YTHDF1: variants seen among roughly 807,000 people sequenced by gnomAD.
YTHDF1 encodes the protein YTH N6-methyladenosine RNA binding protein F1.
YTHDF1 carries 16 observed loss-of-function variants against 49.1 expected under a neutral mutation model. The ratio of observed to expected loss-of-function variants is 0.33; its 90% CI spans 0.22 to 0.49. The LOEUF (loss-of-function observed/expected upper bound fraction) is 0.49. YTHDF1 is among the 20% of genes least tolerant of loss of function. The pLI, the probability that YTHDF1 is intolerant of heterozygous loss-of-function variation, is 0.99. For missense variants in YTHDF1, 621 were observed against 744.3 expected, an observed-to-expected ratio of 0.83 and a Z score of 1.93; for synonymous variants, 313 against 290.1, an observed-to-expected ratio of 1.08 and a Z score of -0.80.
chr20:63,214,091 A>C, intron 2 of YTHDF1, 148 bp from the exon 3 acceptor site: 2 of 1,367,788 alleles, frequency 1.5e-6, no homozygotes, highest in South Asian at 1.7e-5. Flanking sequence ...TATAGAACTG[A>C]TGTTTATACA....
intron 2 of YTHDF1, among the ~76,000 whole-genome samples, 191 bp downstream of exon 2, chr20:63,215,386 T>C (rs1023246128): frequency 2.0e-5 from 3 of 152,194 alleles, no homozygotes; most frequent in East Asian, 1.9e-4. Context: ...AGCAATCATT[T>C]ATTCACTTCT....
intron 3 of YTHDF1, among the ~76,000 whole-genome samples, chr20:63,213,284 T>A (rs2066584456): frequency 6.6e-6 from 1 of 152,076 alleles, no homozygotes; most frequent in African/African-American, 2.4e-5. Context: ...ATACAAAAAT[T>A]AGCTAGACGT....
chr20:63,202,746 A>G lies in YTHDF1; in HGVS notation c.1194T>C (p.Ser398=). 6.2e-7 allele frequency: 1 copy of G among 1,614,206 alleles called. No individual in the cohort carries two copies. The change falls in exon 4 of 5, where the codon TCT becomes TCC. Residue 398 remains serine (S), a synonymous_variant. Coordinates refer to ENST00000370339, the MANE Select transcript of YTHDF1 (RefSeq NM_017798.4). ...TAATGGAGCGGTGGATGTCGTCCTC[A>G]GAGTAGCTCTTGATGATGAACACAC... ...SGRVFIIKSY[S]EDDIHRSIKY...
In YTHDF1 at chr20:63,203,613, C is replaced by A. The variant is rs775726873; in HGVS notation, c.327G>T (p.Gly109=). Residue 109 remains glycine (G), a synonymous_variant, in exon 4 of 5, where the codon GGG becomes GGT. Coordinates refer to ENST00000370339, the MANE Select transcript of YTHDF1 (RefSeq NM_017798.4). This position sits in a 1 kb window ranked among gnomAD's most constrained non-coding sequence, Gnocchi z 4.4. ...FMHDAVFGQP[G]GLGNNIYQHR... Reference sequence around the variant, plus strand: ...GCTGATAGATGTTGTTCCCCAGGCCCCCAGGCTGCCCAAAAACAGCATCGT... The same window carrying A: ...GCTGATAGATGTTGTTCCCCAGGCCACCAGGCTGCCCAAAAACAGCATCGT... 6 of 1,614,132 alleles carry A rather than the reference C, an allele frequency of 3.7e-6. No homozygotes were observed. The highest frequency in any genetic ancestry group is 5.1e-6 in the Non-Finnish European group (6 of 1,180,030).
chr20:63,214,861 C>T (rs1441004200), intron 2 of YTHDF1, among the ~76,000 whole-genome samples: 1 of 152,202 alleles, frequency 6.6e-6, no homozygotes, highest in East Asian at 1.9e-4. Context: ...GGTTTGCCCT[C>T]AGCAGTTCTC....
At position 63,213,888 on chromosome 20, in the gene YTHDF1, G is replaced by A. The variant is rs930601864; in HGVS notation, c.108C>T (p.Pro36=). Residue 36 remains proline, a synonymous_variant, in exon 3 of 5, where the codon CCC becomes CCT. Transcript: ENST00000370339. The part of the protein sequence containing the change: ...KDTVHDNDFE[P]YLTGQSNQSN... ...CCTGATTTGACTGTCCAGTAAGGTAGGGCTCAAAGTCATTGTCATGAACTG... is the reference window on the plus strand; with the variant it reads ...CCTGATTTGACTGTCCAGTAAGGTAAGGCTCAAAGTCATTGTCATGAACTG... 3 of 1,590,988 alleles carry A rather than the reference G, an allele frequency of 1.9e-6. No individual in the cohort carries two copies. Among genetic ancestry groups the A allele is most frequent in the South Asian group, 1.2e-5 (1 of 86,786 alleles).
chr20:63,209,266 A>G (rs953326838), intron 3 of YTHDF1, among the ~76,000 whole-genome samples: 7 of 152,176 alleles, frequency 4.6e-5, no homozygotes, highest in Non-Finnish European at 8.8e-5. Context: ...ACTACACTCA[A>G]TTTTTAAATT....
At chr20:63,214,023 C>A in intron 2 of YTHDF1, 80 bp from the exon 3 acceptor site, 1 of 1,486,382 alleles carries the variant, frequency 6.7e-7, no homozygotes, top group Non-Finnish European at 9.0e-7. Flanking sequence ...TTAGCAAAGT[C>A]TATTTCCATC....
In YTHDF1 at chr20:63,202,960, C is replaced by A; in HGVS notation, c.980G>T (p.Arg327Leu). 1 of 1,613,866 alleles carries A rather than the reference C, an allele frequency of 6.2e-7. No individual in the cohort carries two copies. The highest frequency in any genetic ancestry group is 8.5e-7 in the Non-Finnish European group (1 of 1,180,030). The change falls in exon 4 of 5, where the codon CGC (arginine) becomes CTC (leucine). Residue 327 changes from arginine to leucine, a missense_variant. Coordinates refer to ENST00000370339, the MANE Select transcript of YTHDF1 (RefSeq NM_017798.4). ...YQSPQQPPQT[R>L]WVAPRNRNAA... ...GTTTCTGTTGCGTGGGGCAACCCAG[C>A]GGGTCTGGGGTGGCTGCTGAGGGCT...
rs747315571 is a variant in YTHDF1 at position 63,203,864 on chromosome 20, G to A, written c.133-57C>T. On this transcript the variant is annotated intron_variant, in intron 3 of 4. Transcript: ENST00000370339. This position sits in a 1 kb window ranked among gnomAD's most constrained non-coding sequence, Gnocchi z 4.4. The stretch of plus-strand genomic sequence containing the variant: ...TTCTACAACACGAGATGCTGAGAAT[G>A]CCAACCGCCTCTTGCTTAAGCACAG... 34 of 1,500,576 alleles carry A rather than the reference G, an allele frequency of 2.3e-5. No homozygotes were observed. Among genetic ancestry groups the A allele is most frequent in the Non-Finnish European group, 2.9e-5 (32 of 1,111,850 alleles). The allele number at this position is 1,500,576 out of a possible 1,614,324, so 93.0% of individuals were successfully genotyped here.
At chr20:63,210,502 G>A (rs1419980343) in intron 3 of YTHDF1, among the ~76,000 whole-genome samples, 3 of 152,126 alleles carry the variant, frequency 2.0e-5, no homozygotes, top group African/African-American at 2.4e-5. Flanking sequence ...AGAGAGAATC[G>A]GCGGGGCACT....
intron 3 of YTHDF1, among the ~76,000 whole-genome samples, chr20:63,212,258 C>T (rs899667675): frequency 6.6e-6 from 1 of 152,182 alleles, no homozygotes. Context: ...CGCGGGGCAG[C>T]GCTGCCGAGG....
intron 3 of YTHDF1, among the ~76,000 whole-genome samples, chr20:63,204,204 C>G (rs6089860): frequency 0.036 from 5,490 of 152,278 alleles, 316 homozygotes; most frequent in African/African-American, 0.12. Context: ...GGAACTGAAA[C>G]AGCTTTGTAA....
intron 3 of YTHDF1, among the ~76,000 whole-genome samples, chr20:63,207,884 C>T (rs560500826): frequency 4.5e-4 from 68 of 151,236 alleles, no homozygotes; most frequent in Non-Finnish European, 7.7e-4. Context: ...CCAGCTACTC[C>T]GGAGCCTGAG....
At chr20:63,199,302 G>A (rs1601230519) in intron 4 of YTHDF1, among the ~76,000 whole-genome samples, 1 of 151,852 alleles carries the variant, frequency 6.6e-6, no homozygotes, top group African/African-American at 2.4e-5. Context: ...GGCGGATCAC[G>A]AGGTCAGGAG....
intron 3 of YTHDF1, among the ~76,000 whole-genome samples, chr20:63,205,066 G>C (rs2066539377): frequency 1.3e-5 from 2 of 151,980 alleles, no homozygotes; most frequent in African/African-American, 4.8e-5. Context: ...GCCCGTTTTT[G>C]GATTTTTAGT....
intron 4 of YTHDF1, among the ~76,000 whole-genome samples, chr20:63,199,467 C>T (rs8125866): frequency 0.015 from 2,313 of 149,584 alleles, 61 homozygotes; most frequent in African/African-American, 0.054. Context: ...TGCAGTGAGC[C>T]GAGATCACAC....
chr20:63,197,442 A>G (rs2066497163), intron 4 of YTHDF1, among the ~76,000 whole-genome samples: 1 of 152,194 alleles, frequency 6.6e-6, no homozygotes, highest in Non-Finnish European at 1.5e-5. Context: ...TGTGACACAC[A>G]AGCTTGAGAC....
Position 63,202,802 on chromosome 20 carries a change from T to C in YTHDF1, c.1138A>G (p.Lys380Glu), listed in dbSNP as rs754154738. 2.0e-5 allele frequency: 32 copies of C among 1,613,942 alleles called. No individual in the cohort carries two copies. In the East Asian group the frequency reaches 6.9e-4, roughly 35 times the overall value. The part of the protein sequence containing the change: ...KLKAAHSYNP[K>E]EFEWNLKSGR... ...CTTTTCAGATTCCACTCAAACTCTT[T>C]CGGGTTGTAGCTGTGAGCAGCCTTC... Residue 380 changes from lysine (K) to glutamate (E), a missense_variant, in exon 4 of 5, where the codon AAA (lysine) becomes GAA (glutamate). Coordinates refer to ENST00000370339, the MANE Select transcript of YTHDF1 (RefSeq NM_017798.4).
Sources: gnomAD v4.1 joint callset for allele counts (sites outside exome capture counted in the v4.1 genomes callset) on GRCh38, gnomAD v4.1.1 for gene constraint, Gnocchi (gnomAD v3.1) non-coding constraint, MANE v1.5 for transcripts, NCBI Gene and HGNC (gene_info 2026-07-23, HGNC 2026-07-21) for gene names.